Variants in DPYSL5 observed in about 807,000 individuals in gnomAD.
DPYSL5 encodes dihydropyrimidinase-related protein 5.
DPYSL5 carries 9 observed loss-of-function variants against 58.4 expected under a neutral mutation model. The observed-to-expected ratio is 0.15, with a 90% CI of 0.09 to 0.27. The LOEUF is 0.27. Among genes scored for constraint, DPYSL5 ranks in the 10% least tolerant of loss-of-function variants. The pLI is 1.00. For missense variants in DPYSL5, 499 were observed against 770.6 expected (o/e 0.65, Z 4.17); for synonymous variants, 293 against 301.9 (o/e 0.97, Z 0.31).
intron 9 of DPYSL5, 123 bp from the exon 10 acceptor site, chr2:26,941,827 C>T: frequency 7.6e-7 from 1 of 1,315,162 alleles, no homozygotes; most frequent in Non-Finnish European, 1.1e-6. Flanking sequence ...ATGGCCTTGT[C>T]CCTTTGTGAC....
intron 2 of DPYSL5, among the ~76,000 whole-genome samples, chr2:26,913,090 A>G (rs1303327877): frequency 6.6e-6 from 1 of 152,216 alleles, no homozygotes. Context: ...GTAAACATGC[A>G]ACATAAAATT....
At chr2:26,867,459 GTTT>G (rs5830029) in intron 1 of DPYSL5, among the ~76,000 whole-genome samples, 1 of 128,786 alleles carries the variant, frequency 7.8e-6, no homozygotes, top group African/African-American at 2.9e-5. Context: ...TTTTTTGTTT[GTTT>G]TTTTTTTTTT....
chr2:26,937,937 C>G (rs1423517863), intron 8 of DPYSL5, among the ~76,000 whole-genome samples: 1 of 152,104 alleles, frequency 6.6e-6, no homozygotes, highest in African/African-American at 2.4e-5. Context: ...AACTCCTGAC[C>G]TCAACTGATC....
chr2:26,897,111 T>C (rs1164534952), intron 1 of DPYSL5, among the ~76,000 whole-genome samples: 1 of 152,248 alleles, frequency 6.6e-6, no homozygotes, highest in South Asian at 2.1e-4. Context: ...TCATGTCATC[T>C]GCAACGAGGG....
chr2:26,899,202 C>T (rs974318318), intron 2 of DPYSL5, among the ~76,000 whole-genome samples: 4 of 152,114 alleles, frequency 2.6e-5, no homozygotes, highest in African/African-American at 2.4e-5. Context: ...GCTTCTATTA[C>T]CTCTCCTAGC....
At chr2:26,923,113 A>T (rs961380438) in intron 2 of DPYSL5, among the ~76,000 whole-genome samples, 1 of 152,244 alleles carries the variant, frequency 6.6e-6, no homozygotes, top group African/African-American at 2.4e-5. Context: ...ATAGAGAAGC[A>T]TGAAACCATT....
In DPYSL5 at chr2:26,933,126, G is replaced by C. The variant is rs1361887458; in HGVS notation, c.715-132G>C. 2 of 785,972 alleles carry C rather than the reference G, an allele frequency of 2.5e-6. No homozygotes were observed. The highest frequency in any genetic ancestry group is 3.4e-5 in the African/African-American group (2 of 59,350). 48.7% of individuals were successfully genotyped at this position (785,972 alleles called of 1,614,324 possible). A position where few individuals can be genotyped will look rare whatever the true frequency, so the allele number is the denominator to read the frequency against. On this transcript the variant is annotated intron_variant, in intron 6 of 12. Transcript: ENST00000288699. This position sits in a 1 kb window ranked among gnomAD's most constrained non-coding sequence, Gnocchi z 4.2. ...GCCCTGCATTCTCCGCTTAAGGACT[G>C]TCACCTTGAGGGTGGGGTTGAGTGA...
At chr2:26,911,380 CAT>C (rs10585955) in intron 2 of DPYSL5, among the ~76,000 whole-genome samples, 55,656 of 151,842 alleles carry the variant, frequency 0.37, 10,659 homozygotes, top group Admixed American at 0.53. Context: ...AAATCAAAAA[CAT>C]AGAGAAACGA....
intron 5 of DPYSL5, among the ~76,000 whole-genome samples, chr2:26,928,687 G>GTGTATATAAA (rs143828804): frequency 1.6e-5 from 1 of 60,682 alleles, no homozygotes; most frequent in East Asian, 5.8e-4. Flanking sequence ...AGGTGATAGA[G>GTGTATATAAA]TATATATATA....
chr2:26,877,698 C>T lies in DPYSL5; in HGVS notation c.-4-20798C>T, dbSNP rs1663449008. On this transcript the variant is annotated intron_variant, in intron 1 of 12. Transcript: ENST00000288699. The surrounding 1 kb of genome is among the most constrained non-coding windows in gnomAD (Gnocchi z 4.1). ...TATAGTACCAAGAGATTGAGTTCCACTGTAATTCTCCTGTGGGAAAACTGC... is the reference window on the plus strand; with the variant it reads ...TATAGTACCAAGAGATTGAGTTCCATTGTAATTCTCCTGTGGGAAAACTGC... Among the ~76,000 whole-genome samples, 1 of 152,198 alleles carries T rather than the reference C, an allele frequency of 6.6e-6. No individual in the cohort carries two copies. Among genetic ancestry groups the T allele is most frequent in the Admixed American group, 6.5e-5 (1 of 15,288 alleles).
intron 3 of DPYSL5, among the ~76,000 whole-genome samples, chr2:26,926,990 G>A (rs1224558362): frequency 6.6e-6 from 1 of 152,252 alleles, no homozygotes; most frequent in South Asian, 2.1e-4. Context: ...TAAGTGATAG[G>A]AGAAACGTGC....
chr2:26,853,495 A>G (rs767035819), intron 1 of DPYSL5, among the ~76,000 whole-genome samples: 5 of 152,176 alleles, frequency 3.3e-5, no homozygotes, highest in Non-Finnish European at 5.9e-5. Flanking sequence ...TAAAAAGGAC[A>G]CCCAGATGGG....
chr2:26,910,410 T>C (rs1303010876), intron 2 of DPYSL5, among the ~76,000 whole-genome samples: 1 of 152,174 alleles, frequency 6.6e-6, no homozygotes, highest in African/African-American at 2.4e-5. Context: ...TTTTAGCCGT[T>C]CTAATAGGTG....
rs775611207 is a variant in DPYSL5 at position 26,942,761 on chromosome 2, A to G, written c.1440+11A>G. The G allele has an allele frequency of 2.5e-6, 4 of 1,612,312 alleles. No individual in the cohort carries two copies. The East Asian group carries it at 8.9e-5, about 36-fold the overall frequency. On this transcript the variant is annotated intron_variant, in intron 11 of 12. Coordinates refer to ENST00000288699, the MANE Select transcript of DPYSL5 (RefSeq NM_020134.4). This position sits in a 1 kb window ranked among gnomAD's most constrained non-coding sequence, Gnocchi z 5.9. ...GTCCAGAGAGAGAAGGTGAGGTGGG[A>G]GGAGGAAGATGCAGGGGTGTTGGCG...
chr2:26,936,108 A>G (rs1665167872), intron 8 of DPYSL5, among the ~76,000 whole-genome samples: 1 of 152,134 alleles, frequency 6.6e-6, no homozygotes, highest in Non-Finnish European at 1.5e-5. Context: ...TTCAGGGTGG[A>G]CTGGTGAGGA....
intron 1 of DPYSL5, among the ~76,000 whole-genome samples, chr2:26,895,783 T>C (rs890711210): frequency 7.0e-6 from 1 of 142,406 alleles, no homozygotes; most frequent in African/African-American, 2.6e-5. Flanking sequence ...TTCTTTTTTT[T>C]TTTTTTTTTT....
intron 8 of DPYSL5, 25 bp from the exon 9 acceptor site, chr2:26,940,006 T>G: frequency 6.2e-7 from 1 of 1,613,912 alleles, no homozygotes; most frequent in African/African-American, 1.3e-5. Context: ...CTCCCCTTAC[T>G]GGTCACCTCC....
chr2:26,853,158 A>G (rs1000525616), intron 1 of DPYSL5, among the ~76,000 whole-genome samples: 5 of 152,158 alleles, frequency 3.3e-5, no homozygotes, highest in African/African-American at 1.2e-4. Context: ...TTGGAGAATT[A>G]AGAGTGTTCC....
intron 1 of DPYSL5, among the ~76,000 whole-genome samples, chr2:26,866,597 T>C (rs1478718450): frequency 6.6e-6 from 1 of 152,166 alleles, no homozygotes; most frequent in Non-Finnish European, 1.5e-5. Flanking sequence ...TTTGAGGTGA[T>C]GGATATCCCA....
Sources: allele counts gnomAD v4.1 joint callset (sites outside exome capture counted in the v4.1 genomes callset), GRCh38; gene constraint gnomAD v4.1.1; non-coding constraint Gnocchi (gnomAD v3.1); transcripts MANE v1.5; gene names NCBI Gene and HGNC (gene_info 2026-07-23, HGNC 2026-07-21).